Variants in ADAM28 observed in about 807,000 individuals in gnomAD.
The protein encoded by ADAM28 is ADAM metallopeptidase domain 28, also known as disintegrin and metalloproteinase domain-containing protein 28.
Under a neutral mutation model 101.2 loss-of-function variants are expected in ADAM28, and 105 were observed. That is an observed-to-expected ratio of 1.04 (90% CI 0.89 to 1.22). The LOEUF (loss-of-function observed/expected upper bound fraction) is 1.22, where lower values mean the gene tolerates loss of function less well. ADAM28 is among the 50% of genes most tolerant of loss of function. The pLI is 0.00. For missense variants in ADAM28, 1,028 were observed against 945.4 expected (o/e 1.09, Z -1.15); for synonymous variants, 322 against 310.6 (o/e 1.04, Z -0.39).
chr8:24,348,231 TTAAC>T (rs1169537013), intron 18 of ADAM28, among the ~76,000 whole-genome samples: 1 of 152,188 alleles, frequency 6.6e-6, no homozygotes, highest in African/African-American at 2.4e-5. Context: ...AAAAATAAAC[TTAAC>T]TTACTTTCTT....
At chr8:24,320,047 C>G (rs768911757) in intron 6 of ADAM28, among the ~76,000 whole-genome samples, 189 bp from the exon 7 acceptor site, 15 of 151,860 alleles carry the variant, frequency 9.9e-5, no homozygotes, top group Non-Finnish European at 2.1e-4. Flanking sequence ...TGCTGGTGTC[C>G]CTTCACCTCC....
Position 24,343,620 on chromosome 8 carries a change from C to G in ADAM28, c.1990+36C>G, listed in dbSNP as rs535151403. On this transcript the variant is annotated intron_variant, in intron 18 of 22. Transcript: ENST00000265769. Reference sequence around the variant, plus strand: ...TTACACATCTAACCTGAGAAAATTGCTCTCCTCTTCCAAGCCTTTATTTTG... The same window carrying G: ...TTACACATCTAACCTGAGAAAATTGGTCTCCTCTTCCAAGCCTTTATTTTG... 20 of 1,580,014 alleles carry G rather than the reference C, an allele frequency of 1.3e-5. 1 individual carries two copies. In the Middle Eastern group the frequency reaches 6.7e-4, roughly 53 times the overall value.
chr8:24,320,946 C>G lies in ADAM28; in HGVS notation c.649-272C>G, dbSNP rs1585605754. ...TGTTAATTCTGCACACCTTAGAAAA[C>G]CATAGAATTTAAGTGAAAATACATT... On this transcript the variant is annotated intron_variant, in intron 7 of 22. Transcript: ENST00000265769. Among the ~76,000 whole-genome samples, 2 of 151,844 alleles carry G rather than the reference C, an allele frequency of 1.3e-5. 1 individual carries two copies. The highest frequency in any genetic ancestry group is 4.8e-5 in the African/African-American group (2 of 41,384).
Position 24,341,672 on chromosome 8 carries a change from T to C in ADAM28, c.1745T>C (p.Phe582Ser). Residue 582 changes from phenylalanine (F) to serine (S), a missense_variant, in exon 16 of 23, where the codon TTC becomes TCC. By Grantham distance (155) the Phe-to-Ser change is radical. Transcript: ENST00000265769. The stretch of plus-strand genomic sequence containing the variant: ...CCCTGGAAAGGACGGATAGTGACTT[T>C]CCTGACATGTAAAACATTTGATCCT... ...NLPWKGRIVT[F>S]LTCKTFDPED... 6.2e-7 allele frequency: 1 copy of C among 1,613,976 alleles called. No homozygotes were observed. Among genetic ancestry groups the C allele is most frequent in the Non-Finnish European group, 8.5e-7 (1 of 1,179,880 alleles).
rs750348197 is a variant in ADAM28 at position 24,331,228 on chromosome 8, C to T, written c.1182C>T (p.Cys394=). 2.5e-6 allele frequency: 4 copies of T among 1,613,372 alleles called. No homozygotes were observed. In the East Asian group the frequency reaches 8.9e-5, roughly 36 times the overall value. ...DKFFEDKLSN[C]LFNAPLPTDI... is the part of the protein sequence containing the mutation. Reference sequence around the variant, plus strand: ...TTTTTGAAGATAAATTATCAAATTGCCTCTTTAATGCTCCATTGCCTACAG... The same window carrying T: ...TTTTTGAAGATAAATTATCAAATTGTCTCTTTAATGCTCCATTGCCTACAG... Residue 394 remains cysteine, a synonymous_variant, in exon 12 of 23, where the codon TGC becomes TGT. Coordinates refer to ENST00000265769, the MANE Select transcript of ADAM28 (RefSeq NM_014265.6).
At chr8:24,308,940 C>T (rs190378398) in intron 2 of ADAM28, among the ~76,000 whole-genome samples, 2 of 152,302 alleles carry the variant, frequency 1.3e-5, no homozygotes, top group African/African-American at 4.8e-5. Flanking sequence ...AGAAACAGAA[C>T]TCAGTCCATA....
chr8:24,295,624 G>A (rs754110856), intron 1 of ADAM28, among the ~76,000 whole-genome samples: 9 of 152,060 alleles, frequency 5.9e-5, no homozygotes, highest in Non-Finnish European at 1.3e-4. Context: ...TAACACTGGG[G>A]CCCATGCACA....
chr8:24,306,363 A>AATATATAT (rs543308272), intron 2 of ADAM28, among the ~76,000 whole-genome samples: 5 of 108,502 alleles, frequency 4.6e-5, no homozygotes, highest in Non-Finnish European at 7.5e-5. Flanking sequence ...TAAATAAATA[A>AATATATAT]ATATATATAT....
chr8:24,332,531 T>A, intron 12 of ADAM28, 129 bp from the exon 13 acceptor site: 1 of 428,124 alleles, frequency 2.3e-6, no homozygotes, highest in East Asian at 3.8e-5. Context: ...TTTTTTATAT[T>A]TTTTGAAAAA....
At chr8:24,346,216 T>C (rs1347719908) in intron 18 of ADAM28, among the ~76,000 whole-genome samples, 3 of 152,138 alleles carry the variant, frequency 2.0e-5, no homozygotes, top group Non-Finnish European at 4.4e-5. Context: ...TATGGGAATG[T>C]ATGGCTTATA....
chr8:24,324,652 T>A (rs1812307845), intron 9 of ADAM28, among the ~76,000 whole-genome samples: 1 of 152,018 alleles, frequency 6.6e-6, no homozygotes, highest in Non-Finnish European at 1.5e-5. Context: ...GCTGGTCATC[T>A]GTTAACTGCA....
intron 7 of ADAM28, among the ~76,000 whole-genome samples, 170 bp downstream of exon 7, chr8:24,320,477 G>T (rs1296642136): frequency 6.7e-6 from 1 of 150,232 alleles, no homozygotes; most frequent in Non-Finnish European, 1.5e-5. Context: ...AAGCTGATAT[G>T]ACTTCTTTTC....
At chr8:24,297,677 A>G (rs1219410337) in intron 1 of ADAM28, among the ~76,000 whole-genome samples, 1 of 152,194 alleles carries the variant, frequency 6.6e-6, no homozygotes, top group East Asian at 1.9e-4. Context: ...GCCTTATGGT[A>G]TGCTTGTTTT....
intron 2 of ADAM28, among the ~76,000 whole-genome samples, chr8:24,304,505 G>A (rs1403165818): frequency 1.3e-5 from 2 of 151,990 alleles, no homozygotes; most frequent in African/African-American, 4.8e-5. Flanking sequence ...CATAATACTT[G>A]TATAAATATT....
At chr8:24,346,722 A>G (rs532668644) in intron 18 of ADAM28, among the ~76,000 whole-genome samples, 1 of 152,098 alleles carries the variant, frequency 6.6e-6, no homozygotes, top group Non-Finnish European at 1.5e-5. Flanking sequence ...ATGTAATATA[A>G]TAAGGGCCAA....
chr8:24,321,625 T>A (rs908984464), intron 8 of ADAM28, among the ~76,000 whole-genome samples: 1 of 151,928 alleles, frequency 6.6e-6, no homozygotes, highest in Non-Finnish European at 1.5e-5. Flanking sequence ...AAAAAAATAA[T>A]TTTAAACATA....
At chr8:24,297,478 G>A (rs1221026431) in intron 1 of ADAM28, among the ~76,000 whole-genome samples, 2 of 152,142 alleles carry the variant, frequency 1.3e-5, no homozygotes, top group Non-Finnish European at 2.9e-5. Context: ...CGGGAACGTA[G>A]CTATTATTTT....
At chr8:24,306,349 C>CAAAT (rs1327331486) in intron 2 of ADAM28, among the ~76,000 whole-genome samples, 10 of 106,706 alleles carry the variant, frequency 9.4e-5, no homozygotes, top group African/African-American at 4.2e-4. Flanking sequence ...ATCTCAAATA[C>CAAAT]AAATAAATAA....
chr8:24,354,759 ATCCAT>A lies in ADAM28; in HGVS notation c.*357_*361del, dbSNP rs1816562956. 1 of 174,560 alleles carries A rather than the reference ATCCAT, an allele frequency of 5.7e-6. No individual in the cohort carries two copies. Among genetic ancestry groups the A allele is most frequent in the African/African-American group, 2.4e-5 (1 of 42,096 alleles). The allele number at this position is 174,560 out of a possible 1,614,324, so 10.8% of individuals were successfully genotyped here. A position where few individuals can be genotyped will look rare whatever the true frequency, so the allele number is the denominator to read the frequency against. On this transcript the variant is annotated 3_prime_UTR_variant, in exon 23 of 23. Coordinates refer to ENST00000265769, the MANE Select transcript of ADAM28 (RefSeq NM_014265.6). ...CTTGGAGGAATAAGAAAAATTGTAC[ATCCAT>A]TAAATGTACAATTGATTGCAACATC...
Sources: gnomAD v4.1 joint callset for allele counts (sites outside exome capture counted in the v4.1 genomes callset) on GRCh38, gnomAD v4.1.1 for gene constraint, MANE v1.5 for transcripts, NCBI Gene and HGNC (gene_info 2026-07-23, HGNC 2026-07-21) for gene names.